Variants in SCAPER observed in about 807,000 individuals in gnomAD.
SCAPER encodes the protein S-phase cyclin A associated protein in the ER, also known as S phase cyclin A-associated protein in the endoplasmic reticulum.
In SCAPER, 98 loss-of-function variants were observed where a neutral mutation model predicts 182.2. That is an observed-to-expected ratio of 0.54 (90% CI 0.46 to 0.64). The LOEUF is 0.64. Ranked by LOEUF, SCAPER falls within the 30% of genes least tolerant of loss-of-function variation. The pLI is 0.00. For missense variants in SCAPER, 1,432 were observed against 1,690.0 expected, an observed-to-expected ratio of 0.85 and a Z score of 2.68; for synonymous variants, 605 against 564.6, an observed-to-expected ratio of 1.07 and a Z score of -1.01.
intron 28 of SCAPER, chr15:76,379,953 C>G (rs1056233325): frequency 6.6e-6 from 1 of 152,068 alleles, no homozygotes; most frequent in Non-Finnish European, 1.5e-5. Context: ...TCCCCTGTAG[C>G]AGTATAAATG....
intron 1 of SCAPER, among the ~76,000 whole-genome samples, chr15:76,889,435 G>C (rs2074041318): frequency 6.6e-6 from 1 of 152,138 alleles, no homozygotes. Context: ...CCCATCTCAT[G>C]TGCAGAGACA....
At chr15:76,581,370 G>A (rs1358680460) in intron 22 of SCAPER, among the ~76,000 whole-genome samples, 1 of 152,000 alleles carries the variant, frequency 6.6e-6, no homozygotes, top group African/African-American at 2.4e-5. Context: ...GAAAACAATA[G>A]GTCAATATCC....
At chr15:76,866,167 C>T (rs1464152089) in intron 2 of SCAPER, among the ~76,000 whole-genome samples, 1 of 152,084 alleles carries the variant, frequency 6.6e-6, no homozygotes, top group African/African-American at 2.4e-5. Flanking sequence ...AAATAGATGG[C>T]CTACTTTTCA....
chr15:76,534,885 C>T (rs2044001290), intron 23 of SCAPER, among the ~76,000 whole-genome samples: 1 of 152,004 alleles, frequency 6.6e-6, no homozygotes, highest in African/African-American at 2.4e-5. Context: ...GTTTATAATT[C>T]CTACATCTTT....
chr15:76,524,689 GTTTTTT>G (rs35944222), intron 23 of SCAPER, among the ~76,000 whole-genome samples: 4 of 50,114 alleles, frequency 8.0e-5, no homozygotes, highest in South Asian at 1.1e-3. Context: ...TTTTTGTTCT[GTTTTTT>G]TTTTTTTTTT....
chr15:76,501,490 G>T (rs1439383544), intron 24 of SCAPER, among the ~76,000 whole-genome samples: 1 of 152,194 alleles, frequency 6.6e-6, no homozygotes, highest in African/African-American at 2.4e-5. Context: ...AGGACAGGAA[G>T]CTGGTTTATC....
At chr15:76,413,703 G>C (rs1157246058) in intron 26 of SCAPER, among the ~76,000 whole-genome samples, 1 of 152,204 alleles carries the variant, frequency 6.6e-6, no homozygotes, top group Non-Finnish European at 1.5e-5. Context: ...CCATTTTAAA[G>C]ATTGGGGTTT....
intron 7 of SCAPER, 130 bp from the exon 8 acceptor site, chr15:76,795,570 G>T: frequency 1.7e-6 from 1 of 573,796 alleles, no homozygotes; most frequent in Non-Finnish European, 2.7e-6. Flanking sequence ...ATCTGCCACG[G>T]CAATTTAAGG....
At chr15:76,556,428 G>C (rs559094849) in intron 23 of SCAPER, among the ~76,000 whole-genome samples, 1 of 152,264 alleles carries the variant, frequency 6.6e-6, no homozygotes, top group South Asian at 2.1e-4. Context: ...CACAAGATCA[G>C]TAAATTCAGA....
intron 24 of SCAPER, among the ~76,000 whole-genome samples, chr15:76,484,391 A>C (rs28843454): frequency 0.018 from 2,741 of 152,276 alleles, 90 homozygotes; most frequent in African/African-American, 0.061. Context: ...GAAAATCTAG[A>C]AGAAATGAAA....
chr15:76,366,803 T>C (rs2041846825), intron 29 of SCAPER, among the ~76,000 whole-genome samples: 1 of 152,232 alleles, frequency 6.6e-6, no homozygotes, highest in African/African-American at 2.4e-5. Context: ...AATAGGTTTA[T>C]CACCTGTCAG....
intron 14 of SCAPER, among the ~76,000 whole-genome samples, chr15:76,756,772 A>G (rs549615758): frequency 7.9e-5 from 12 of 152,356 alleles, no homozygotes; most frequent in Middle Eastern, 3.4e-3. Flanking sequence ...ACTATTTTAC[A>G]TGCTTGCCTC....
chr15:76,609,227 C>A (rs1177698295), intron 22 of SCAPER, among the ~76,000 whole-genome samples: 1 of 152,014 alleles, frequency 6.6e-6, no homozygotes, highest in African/African-American at 2.4e-5. Flanking sequence ...TGGCTCTCAC[C>A]TATAATCCCA....
intron 25 of SCAPER, among the ~76,000 whole-genome samples, chr15:76,461,072 T>C (rs1403704867): frequency 1.3e-5 from 2 of 152,160 alleles, no homozygotes; most frequent in Admixed American, 6.5e-5. Flanking sequence ...TTTCAGTCTT[T>C]ATATTTGAAA....
chr15:76,812,945 A>G (rs563562534), intron 5 of SCAPER, among the ~76,000 whole-genome samples: 1 of 151,984 alleles, frequency 6.6e-6, no homozygotes, highest in Non-Finnish European at 1.5e-5. Context: ...CATACATGAG[A>G]TCAATTTCAT....
chr15:76,511,581 T>C (rs2042026658), intron 23 of SCAPER, among the ~76,000 whole-genome samples: 1 of 152,184 alleles, frequency 6.6e-6, no homozygotes, highest in Non-Finnish European at 1.5e-5. Context: ...CTTCCTCTCT[T>C]GTAACCAAAT....
At chr15:76,807,910 T>C (rs1023082066) in intron 5 of SCAPER, among the ~76,000 whole-genome samples, 2 of 152,158 alleles carry the variant, frequency 1.3e-5, no homozygotes, top group Non-Finnish European at 2.9e-5. Flanking sequence ...GTGTAAATTT[T>C]CATTTTACAA....
At chr15:76,556,888 A>G (rs2046236677) in intron 23 of SCAPER, among the ~76,000 whole-genome samples, 1 of 152,194 alleles carries the variant, frequency 6.6e-6, no homozygotes, top group Non-Finnish European at 1.5e-5. Flanking sequence ...TCCTATGTCT[A>G]ATAAACACCT....
chr15:76,417,835 T>C (rs923985771), intron 26 of SCAPER, among the ~76,000 whole-genome samples: 1 of 152,090 alleles, frequency 6.6e-6, no homozygotes, highest in Non-Finnish European at 1.5e-5. Context: ...CTGGCCAACA[T>C]GGTGAAACCC....
Sources: allele counts gnomAD v4.1 joint callset (sites outside exome capture counted in the v4.1 genomes callset), GRCh38; gene constraint gnomAD v4.1.1; transcripts MANE v1.5; gene names NCBI Gene and HGNC (gene_info 2026-07-23, HGNC 2026-07-21).